The following MED24 variants were observed in gnomAD, a reference collection of about 807,000 sequenced individuals.
MED24 encodes mediator of RNA polymerase II transcription subunit 24.
Under a neutral mutation model 118.8 loss-of-function variants are expected in MED24, and 74 were observed. The observed-to-expected ratio is 0.62, with a 90% confidence interval of 0.52 to 0.76. The LOEUF is 0.76. Ranked by LOEUF, MED24 falls within the 30% of genes least tolerant of loss-of-function variation. The probability of loss-of-function intolerance (pLI) is 0.00; values close to 1 mark genes in which losing one functional copy is unlikely to be tolerated. For missense variants in MED24, 1,041 were observed against 1,278.9 expected (o/e 0.81, Z 2.84); for synonymous variants, 521 against 523.9 (o/e 0.99, Z 0.08).
chr17:40,030,622 C>T (rs752408580), intron 12 of MED24, among the ~76,000 whole-genome samples: 4 of 151,576 alleles, frequency 2.6e-5, no homozygotes, highest in African/African-American at 4.9e-5. Context: ...TCTGAAAGCA[C>T]ATTTAAGATT....
chr17:40,027,149 C>G (rs1466055247), intron 16 of MED24, 115 bp from the exon 17 acceptor site: 1 of 1,356,088 alleles, frequency 7.4e-7, no homozygotes. Flanking sequence ...AGCCCAAAGA[C>G]TGGGGACGAA....
At chr17:40,045,896 G>A (rs1252096872) in intron 3 of MED24, among the ~76,000 whole-genome samples, 1 of 152,080 alleles carries the variant, frequency 6.6e-6, no homozygotes. Context: ...TCCTGCCTCA[G>A]CCTCCCGAGT....
In MED24 at chr17:40,023,307, C is replaced by A. The variant is rs1187029208; in HGVS notation, c.2074G>T (p.Val692Leu). The A allele has an allele frequency of 6.8e-6, 11 of 1,613,964 alleles. No homozygotes were observed. The African/African-American group carries it at 9.3e-5, about 14-fold the overall frequency. Residue 692 changes from valine to leucine, a missense_variant, in exon 20 of 26, where the codon GTG becomes TTG. By Grantham distance (32) the Val-to-Leu change is conservative. Around this residue, in one of 3 missense-constraint regions of MED24, gnomAD observed 587 missense variants for 694.4 expected, o/e 0.85. Coordinates refer to ENST00000394128, the MANE Select transcript of MED24 (RefSeq NM_014815.4). ...ATQIKFPSTG[V>L]DTMPYWNLLP... Reference sequence around the variant, plus strand: ...AGGTTCCAGTAGGGCATTGTGTCCACCCCGGTGGAGGGAAACTTGATCTGC... The same window carrying A: ...AGGTTCCAGTAGGGCATTGTGTCCAACCCGGTGGAGGGAAACTTGATCTGC...
intron 9 of MED24, 140 bp from the exon 10 acceptor site, chr17:40,032,230 G>A: frequency 9.9e-7 from 1 of 1,008,314 alleles, no homozygotes; most frequent in Non-Finnish European, 1.5e-6. Flanking sequence ...CACACTTAGT[G>A]CTAAATGAGA....
At chr17:40,027,887 C>A (rs748041522) in intron 15 of MED24, 22 bp downstream of exon 15, 3 of 1,611,162 alleles carry the variant, frequency 1.9e-6, no homozygotes, top group Non-Finnish European at 2.5e-6. Flanking sequence ...ACTGGGCCTG[C>A]GGATGCACAG....
Position 40,022,810 on chromosome 17 carries a change from G to A in MED24, c.2267C>T (p.Thr756Met), listed in dbSNP as rs769091713. ...TGCCCGCAGCGTGTGCTCCTTCCGCGTCTCCTTCAGCAGCTCCTAGTGCGC... is the reference window on the plus strand; with the variant it reads ...TGCCCGCAGCGTGTGCTCCTTCCGCATCTCCTTCAGCAGCTCCTAGTGCGC... ...NNLIKELLKE[T>M]RKEHTLRAVE... The change falls in exon 21 of 26, where the codon ACG becomes ATG. Residue 756 changes from threonine (T) to methionine (M), a missense_variant. Physicochemically the swap from Thr to Met is moderately conservative, Grantham distance 81. Coordinates refer to ENST00000394128, the MANE Select transcript of MED24 (RefSeq NM_014815.4). 4.0e-5 allele frequency: 64 copies of A among 1,613,210 alleles called. No homozygotes were observed. In the Admixed American group the frequency reaches 6.2e-4, roughly 16 times the overall value.
chr17:40,048,292 G>T (rs1210367670), intron 3 of MED24, among the ~76,000 whole-genome samples: 2 of 152,172 alleles, frequency 1.3e-5, no homozygotes, highest in African/African-American at 2.4e-5. Flanking sequence ...CTTTCAGGGG[G>T]TCTAGGAAGT....
intron 12 of MED24, 92 bp downstream of exon 12, chr17:40,031,067 T>C (rs1983311552): frequency 7.0e-6 from 9 of 1,291,532 alleles, no homozygotes; most frequent in South Asian, 2.5e-5. Flanking sequence ...GCCCAAACTT[T>C]CGACAGGAGG....
intron 12 of MED24, among the ~76,000 whole-genome samples, chr17:40,030,498 G>A (rs191465320): frequency 4.0e-5 from 6 of 151,670 alleles, no homozygotes; most frequent in African/African-American, 1.2e-4. Flanking sequence ...GTTTCACCAC[G>A]TTGGCCAGGC....
intron 22 of MED24, 84 bp from the exon 23 acceptor site, chr17:40,022,138 G>C (rs879323311): frequency 3.5e-6 from 4 of 1,150,056 alleles, no homozygotes; most frequent in Admixed American, 2.5e-5. Flanking sequence ...GCTCCGATTT[G>C]AGCGAGGTCA....
At chr17:40,052,154 G>A (rs541311471) in intron 3 of MED24, among the ~76,000 whole-genome samples, 3 of 152,016 alleles carry the variant, frequency 2.0e-5, no homozygotes, top group Non-Finnish European at 2.9e-5. Context: ...TTAGCCAGGC[G>A]TGATGGCAGG....
chr17:40,037,640 G>C (rs1473536696), intron 3 of MED24, among the ~76,000 whole-genome samples: 1 of 152,092 alleles, frequency 6.6e-6, no homozygotes, highest in African/African-American at 2.4e-5. Flanking sequence ...GGCCAGGTGT[G>C]GTGGCTCACG....
intron 3 of MED24, among the ~76,000 whole-genome samples, chr17:40,049,976 C>A (rs1766613435): frequency 6.7e-6 from 1 of 149,426 alleles, no homozygotes; most frequent in African/African-American, 2.5e-5. Context: ...ATGGTGAAAC[C>A]CTGTCTCTAC....
intron 3 of MED24, among the ~76,000 whole-genome samples, chr17:40,047,378 T>C (rs551965754): frequency 2.6e-5 from 4 of 151,994 alleles, no homozygotes; most frequent in Non-Finnish European, 4.4e-5. Flanking sequence ...ACTCACTAAA[T>C]AGGCCAGGCG....
At chr17:40,019,980 G>A in intron 24 of MED24, 47 bp from the exon 25 acceptor site, 2 of 1,545,570 alleles carry the variant, frequency 1.3e-6, no homozygotes, top group Non-Finnish European at 8.7e-7. Flanking sequence ...CCATGAGAGT[G>A]GGTGAGGTCA....
intron 3 of MED24, among the ~76,000 whole-genome samples, chr17:40,049,604 G>A (rs1345768398): frequency 6.6e-6 from 1 of 152,000 alleles, no homozygotes; most frequent in Admixed American, 6.6e-5. Flanking sequence ...TTGGCTTACT[G>A]CAACCTCTGA....
intron 12 of MED24, among the ~76,000 whole-genome samples, chr17:40,030,678 A>T (rs1450221803): frequency 3.5e-5 from 5 of 141,686 alleles, no homozygotes; most frequent in South Asian, 2.2e-4. Flanking sequence ...TTTTTTTTTG[A>T]GACAAGGTCT....
At chr17:40,053,776 G>T in intron 1 of MED24, 141 bp from the exon 2 acceptor site, 1 of 1,070,242 alleles carries the variant, frequency 9.3e-7, no homozygotes, top group Non-Finnish European at 1.3e-6. Context: ...GAGCTAAAGG[G>T]ATAAAGTAAG....
At position 40,019,140 on chromosome 17, in the gene MED24, G is replaced by T; in HGVS notation, c.*389C>A. 5.6e-6 allele frequency: 1 copy of T among 178,536 alleles called. No homozygotes were observed. The highest frequency in any genetic ancestry group is 1.2e-5 in the Non-Finnish European group (1 of 84,888). 11.1% of individuals were successfully genotyped at this position (178,536 alleles called of 1,614,324 possible). ...GGAGCTTTATTTATACATGAACGAA[G>T]GTAGATTTCCCTCACATATTACAAA... On this transcript the variant is annotated 3_prime_UTR_variant, in exon 26 of 26. Transcript: ENST00000394128.
Sources: gnomAD v4.1 joint callset for allele counts (sites outside exome capture counted in the v4.1 genomes callset) on GRCh38, gnomAD v4.1.1 for gene constraint, gnomAD v4.1.1 regional missense constraint, MANE v1.5 for transcripts, NCBI Gene and HGNC (gene_info 2026-07-23, HGNC 2026-07-21) for gene names.